Variants in ADARB1 observed in about 807,000 individuals in gnomAD.
ADARB1 encodes the protein adenosine deaminase RNA specific B1, also known as double-stranded RNA-specific editase 1.
Under a neutral mutation model 52.4 loss-of-function variants are expected in ADARB1, and 10 were observed. The observed-to-expected ratio is 0.19, with a 90% confidence interval of 0.12 to 0.32. The LOEUF is 0.32. Ranked by LOEUF, ADARB1 falls within the 10% of genes least tolerant of loss-of-function variation. The pLI, the probability that ADARB1 is intolerant of heterozygous loss-of-function variation, is 1.00. For missense variants in ADARB1, 643 were observed against 922.3 expected, an observed-to-expected ratio of 0.70 and a Z score of 3.92; for synonymous variants, 349 against 371.1, an observed-to-expected ratio of 0.94 and a Z score of 0.68.
intron 1 of ADARB1, among the ~76,000 whole-genome samples, chr21:45,080,696 T>C (rs2086119176): frequency 6.6e-6 from 1 of 152,236 alleles, no homozygotes; most frequent in Non-Finnish European, 1.5e-5. Context: ...TCTAAAAGTA[T>C]TGTTACCTGG....
At chr21:45,214,844 C>T (rs1206968213) in intron 9 of ADARB1, among the ~76,000 whole-genome samples, 2 of 152,170 alleles carry the variant, frequency 1.3e-5, no homozygotes, top group African/African-American at 4.8e-5. Context: ...TCAAAGTTGT[C>T]TTGGCTGCTT....
intron 8 of ADARB1, among the ~76,000 whole-genome samples, chr21:45,190,519 G>A (rs1269407203): frequency 6.6e-6 from 1 of 152,100 alleles, no homozygotes; most frequent in Non-Finnish European, 1.5e-5. Flanking sequence ...TGTATGCCTT[G>A]TTTATTTGTG....
chr21:45,138,579 T>G (rs2089521012), intron 2 of ADARB1, among the ~76,000 whole-genome samples: 1 of 152,196 alleles, frequency 6.6e-6, no homozygotes, highest in Non-Finnish European at 1.5e-5. Context: ...CTCAGCATAT[T>G]TTCACCTGTC....
At chr21:45,141,618 TGTGGGCCACCTTCACCACCC>T (rs1418442549) in intron 2 of ADARB1, among the ~76,000 whole-genome samples, 1 of 152,102 alleles carries the variant, frequency 6.6e-6, no homozygotes, top group Non-Finnish European at 1.5e-5. Context: ...CTGAGCTACC[TGTGGGCCACCTTCACCACCC>T]GTGGGTCCCT....
chr21:45,080,892 C>T (rs1053109320), intron 1 of ADARB1, among the ~76,000 whole-genome samples: 6 of 152,200 alleles, frequency 3.9e-5, no homozygotes, highest in South Asian at 4.1e-4. Context: ...TGTTTATGTT[C>T]CACTGGGTCA....
intron 8 of ADARB1, among the ~76,000 whole-genome samples, chr21:45,194,946 T>C (rs779253846): frequency 6.6e-6 from 1 of 152,210 alleles, no homozygotes; most frequent in Non-Finnish European, 1.5e-5. Flanking sequence ...GGAGCACGAA[T>C]GCTGGGTAGT....
chr21:45,220,733 G>A lies in ADARB1; in HGVS notation c.1748-103G>A, dbSNP rs751466340. 23 of 1,247,346 alleles carry A rather than the reference G, an allele frequency of 1.8e-5. No individual in the cohort carries two copies. The highest frequency in any genetic ancestry group is 2.4e-5 in the East Asian group (1 of 42,328). 77.3% of individuals were successfully genotyped at this position (1,247,346 alleles called of 1,614,324 possible). A position where few individuals can be genotyped will look rare whatever the true frequency, so the allele number is the denominator to read the frequency against. ...TCGGCAGGCAGAATTCCCCCACCACGCACTTCTGTGGCCATGTCTGAGCAC... is the reference window on the plus strand; with the variant it reads ...TCGGCAGGCAGAATTCCCCCACCACACACTTCTGTGGCCATGTCTGAGCAC... On this transcript the variant is annotated intron_variant, in intron 9 of 10. Transcript: ENST00000348831. This position sits in a 1 kb window ranked among gnomAD's most constrained non-coding sequence, Gnocchi z 6.3.
intron 2 of ADARB1, among the ~76,000 whole-genome samples, chr21:45,161,338 G>T (rs1426535136): frequency 6.6e-6 from 1 of 152,200 alleles, no homozygotes; most frequent in Non-Finnish European, 1.5e-5. Flanking sequence ...AAGCCCCCCT[G>T]CCCCGACAGG....
At position 45,168,311 on chromosome 21, in the gene ADARB1, GAA is replaced by G. The variant is rs2091336472; in HGVS notation, c.-47-3295_-47-3294del. 1.2e-4 allele frequency among the ~76,000 whole-genome samples: 18 copies of G among 152,196 alleles called. No homozygotes were observed. In the South Asian group the frequency reaches 3.7e-3, roughly 32 times the overall value. Reference sequence around the variant, plus strand: ...TCTTTTTAACAGGGACGTTTGCAGAGAAAAAGTTTTTAACTTCCAGTTTATCA... The same window carrying G: ...TCTTTTTAACAGGGACGTTTGCAGAGAAAGTTTTTAACTTCCAGTTTATCA... On this transcript the variant is annotated intron_variant, in intron 2 of 10. Transcript: ENST00000348831.
chr21:45,146,225 C>T (rs1010594935), intron 2 of ADARB1: 1 of 152,134 alleles, frequency 6.6e-6, no homozygotes, highest in Non-Finnish European at 1.5e-5. Context: ...TCCGTTCTGC[C>T]GGGATTTTAA....
At chr21:45,147,762 G>A (rs757272964) in intron 2 of ADARB1, among the ~76,000 whole-genome samples, 5 of 152,150 alleles carry the variant, frequency 3.3e-5, no homozygotes, top group Non-Finnish European at 5.9e-5. Flanking sequence ...CCCCCATCTC[G>A]CTGTGATAGC....
At chr21:45,207,486 G>C (rs2092688884) in intron 9 of ADARB1, among the ~76,000 whole-genome samples, 1 of 152,158 alleles carries the variant, frequency 6.6e-6, no homozygotes, top group African/African-American at 2.4e-5. Context: ...GGAGACAAAA[G>C]GAACCAAACA....
chr21:45,134,976 G>C (rs1159447070), intron 2 of ADARB1: 1 of 370,114 alleles, frequency 2.7e-6, no homozygotes, highest in African/African-American at 2.1e-5. Flanking sequence ...GGACTGGCAG[G>C]CTGTAGCCTG....
At chr21:45,217,585 T>G (rs763063345) in intron 9 of ADARB1, among the ~76,000 whole-genome samples, 8 of 152,192 alleles carry the variant, frequency 5.3e-5, no homozygotes, top group Non-Finnish European at 1.0e-4. Context: ...TAATTATCTT[T>G]TAAAGGAATT....
intron 8 of ADARB1, among the ~76,000 whole-genome samples, chr21:45,192,241 T>G (rs575596741): frequency 3.2e-4 from 49 of 152,200 alleles, no homozygotes; most frequent in Admixed American, 6.5e-4. Context: ...CTACAATAAT[T>G]TCTGTGGTTA....
rs76373093 is a variant in ADARB1 at position 45,136,142 on chromosome 21, C to A, written c.-48+7569C>A. On this transcript the variant is annotated intron_variant, in intron 2 of 10. Coordinates refer to ENST00000348831, the MANE Select transcript of ADARB1 (RefSeq NM_001112.4). ...GAGTGGAGGACCACGAACTCCCTCC[C>A]CTTCTTGGTGGCCAGCTGCTGTGAG... Among the ~76,000 whole-genome samples the A allele has an allele frequency of 4.1e-3, 620 of 152,168 alleles. 21 individuals carry two copies. In the East Asian group the frequency reaches 0.057, roughly 14 times the overall value.
intron 1 of ADARB1, among the ~76,000 whole-genome samples, chr21:45,107,370 G>A (rs1376086535): frequency 6.6e-6 from 1 of 151,898 alleles, no homozygotes; most frequent in African/African-American, 2.4e-5. Context: ...TGGACATGTC[G>A]ATTCTAAAAT....
chr21:45,160,708 T>C (rs1424501735), intron 2 of ADARB1, among the ~76,000 whole-genome samples: 1 of 152,254 alleles, frequency 6.6e-6, no homozygotes, highest in Non-Finnish European at 1.5e-5. Context: ...TAGAATTTTA[T>C]TTGCCTTTTA....
intron 9 of ADARB1, among the ~76,000 whole-genome samples, chr21:45,216,008 C>G (rs372214450): frequency 1.1e-3 from 169 of 152,230 alleles, no homozygotes; most frequent in African/African-American, 3.9e-3. Flanking sequence ...AGATTTAGGG[C>G]TATTCATGTT....
Sources: allele counts gnomAD v4.1 joint callset (sites outside exome capture counted in the v4.1 genomes callset), GRCh38; gene constraint gnomAD v4.1.1; non-coding constraint Gnocchi (gnomAD v3.1); transcripts MANE v1.5; gene names NCBI Gene and HGNC (gene_info 2026-07-23, HGNC 2026-07-21).